The following IDH2 variants were observed in gnomAD, a reference collection of about 807,000 sequenced individuals.
IDH2 encodes isocitrate dehydrogenase (NADP(+)) 2.
In IDH2, 18 loss-of-function variants were observed where a neutral mutation model predicts 50.5. The observed-to-expected ratio is 0.36, with a 90% CI of 0.25 to 0.53. The LOEUF (loss-of-function observed/expected upper bound fraction) is 0.53, where lower values mean the gene tolerates loss of function less well. Among genes scored for constraint, IDH2 ranks in the 20% least tolerant of loss-of-function variants. The pLI is 0.92. For missense variants in IDH2, 518 were observed against 610.7 expected (o/e 0.85, Z 1.60); for synonymous variants, 280 against 239.8 (o/e 1.17, Z -1.55).
intron 2 of IDH2, among the ~76,000 whole-genome samples, 189 bp from the exon 3 acceptor site, chr15:90,090,833 G>A (rs1901015969): frequency 6.6e-6 from 1 of 152,214 alleles, no homozygotes; most frequent in Non-Finnish European, 1.5e-5. Flanking sequence ...GCCAGAGCTG[G>A]CAGAGGCTGG....
intron 3 of IDH2, 24 bp from the exon 4 acceptor site, chr15:90,088,771 G>C (rs1900947244): frequency 1.9e-6 from 3 of 1,613,432 alleles, no homozygotes; most frequent in Non-Finnish European, 2.5e-6. Context: ...GATAATAGTG[G>C]TCCCACTGCA....
At chr15:90,086,080 C>T (rs1298743190) in intron 7 of IDH2, among the ~76,000 whole-genome samples, 1 of 152,324 alleles carries the variant, frequency 6.6e-6, no homozygotes, top group African/African-American at 2.4e-5. Context: ...ATTTTCATGC[C>T]TCTGCCTCAT....
rs369401893 is a variant in IDH2, at chr15:90,084,921, G to C, written c.1179-13C>G. ...CATCTGGGCAAACCTATGGGGATGGGGCAGAATGAGACCCCATCTGTGCAA... is the reference window on the plus strand; with the variant it reads ...CATCTGGGCAAACCTATGGGGATGGCGCAGAATGAGACCCCATCTGTGCAA... On this transcript the variant is annotated splice_polypyrimidine_tract_variant and intron_variant, in intron 9 of 10. Coordinates refer to ENST00000330062, the MANE Select transcript of IDH2 (RefSeq NM_002168.4). This position sits in a 1 kb window ranked among gnomAD's most constrained non-coding sequence, Gnocchi z 5.0. The C allele has an allele frequency of 6.2e-7, 1 of 1,613,538 alleles. No homozygotes were observed. The highest frequency in any genetic ancestry group is 1.1e-5 in the South Asian group (1 of 91,076).
At chr15:90,090,352 T>G in intron 3 of IDH2, 127 bp downstream of exon 3, 2 of 1,030,052 alleles carry the variant, frequency 1.9e-6, no homozygotes, top group Non-Finnish European at 2.9e-6. Context: ...AAGCCCCAGC[T>G]CTGGAGCCTC....
intron 1 of IDH2, among the ~76,000 whole-genome samples, chr15:90,096,992 A>G (rs1469736737): frequency 2.0e-5 from 3 of 152,232 alleles, no homozygotes; most frequent in Admixed American, 1.3e-4. Context: ...ACATCCAAAA[A>G]TATCGAAAGC....
rs370350675 is a variant in IDH2 at position 90,085,332 on chromosome 15, C to G, written c.1023G>C (p.Thr341=). 1.3e-6 allele frequency: 2 copies of G among 1,553,840 alleles called. No individual in the cohort carries two copies. Among genetic ancestry groups the G allele is most frequent in the African/African-American group, 2.7e-5 (2 of 73,256 alleles). ...TCCCATGAGCGGCCTCAGCCTCAATCGTCTTCCCATCAGGGCAGACCAGGA... is the reference window on the plus strand; with the variant it reads ...TCCCATGAGCGGCCTCAGCCTCAATGGTCTTCCCATCAGGGCAGACCAGGA... ...TSVLVCPDGK[T]IEAEAAHGTV... Residue 341 remains threonine (T), a synonymous_variant, in exon 8 of 11, where the codon ACG becomes ACC. Coordinates refer to ENST00000330062, the MANE Select transcript of IDH2 (RefSeq NM_002168.4). This position sits in a 1 kb window ranked among gnomAD's most constrained non-coding sequence, Gnocchi z 5.5.
At chr15:90,096,633 T>A (rs1901187276) in intron 1 of IDH2, among the ~76,000 whole-genome samples, 1 of 152,052 alleles carries the variant, frequency 6.6e-6, no homozygotes, top group Non-Finnish European at 1.5e-5. Flanking sequence ...AAAGAATTAC[T>A]GCCGGGCACG....
intron 3 of IDH2, among the ~76,000 whole-genome samples, chr15:90,089,946 T>A (rs150352179): frequency 1.3e-5 from 2 of 152,276 alleles, no homozygotes; most frequent in East Asian, 3.9e-4. Context: ...CAGAGGCTGC[T>A]GAGGCTCTGA....
Position 90,102,402 on chromosome 15 carries a change from G to C in IDH2, c.-12C>G, listed in dbSNP as rs1310916943. On this transcript the variant is annotated 5_prime_UTR_variant, in exon 1 of 11. Transcript: ENST00000330062. Reference sequence around the variant, plus strand: ...AGGTAGCCGGCCATCCCAAGCTGGAGAGCGAACGAGCAGGGCGGGAGAGGT... The same window carrying C: ...AGGTAGCCGGCCATCCCAAGCTGGACAGCGAACGAGCAGGGCGGGAGAGGT... 3 of 1,319,330 alleles carry C rather than the reference G, an allele frequency of 2.3e-6. No homozygotes were observed. The highest frequency in any genetic ancestry group is 2.9e-6 in the Non-Finnish European group (3 of 1,020,254). 81.7% of individuals were successfully genotyped at this position (1,319,330 alleles called of 1,614,324 possible).
chr15:90,087,431 G>C lies in IDH2; in HGVS notation c.815+8C>G. 6.2e-7 allele frequency: 1 copy of C among 1,614,120 alleles called. No individual in the cohort carries two copies. The highest frequency in any genetic ancestry group is 8.5e-7 in the Non-Finnish European group (1 of 1,179,980). On this transcript the variant is annotated splice_region_variant and intron_variant, in intron 6 of 10. Coordinates refer to ENST00000330062, the MANE Select transcript of IDH2 (RefSeq NM_002168.4). ...GAAAGGCCACAGAGTACATGGATGA[G>C]GCTTTACTTGTCAAAGATCTCCTGG...
chr15:90,102,404 G>T lies in IDH2; in HGVS notation c.-14C>A, dbSNP rs1901361375. ...GTAGCCGGCCATCCCAAGCTGGAGA[G>T]CGAACGAGCAGGGCGGGAGAGGTCC... is the stretch of plus-strand genomic sequence containing the variant. On this transcript the variant is annotated 5_prime_UTR_variant, in exon 1 of 11. Coordinates refer to ENST00000330062, the MANE Select transcript of IDH2 (RefSeq NM_002168.4). 3 of 1,318,356 alleles carry T rather than the reference G, an allele frequency of 2.3e-6. No homozygotes were observed. Among genetic ancestry groups the T allele is most frequent in the Non-Finnish European group, 2.9e-6 (3 of 1,019,298 alleles). 81.7% of individuals were successfully genotyped at this position (1,318,356 alleles called of 1,614,324 possible). A position where few individuals can be genotyped will look rare whatever the true frequency, so the allele number is the denominator to read the frequency against.
In IDH2 at chr15:90,098,188, G is replaced by A. The variant is rs975045270; in HGVS notation, c.115+4088C>T. Reference sequence around the variant, plus strand: ...GCATTGCACAAACACTGTCCTCTTGGCGAGAGTGCAGGATGGAATTACACC... The same window carrying A: ...GCATTGCACAAACACTGTCCTCTTGACGAGAGTGCAGGATGGAATTACACC... On this transcript the variant is annotated intron_variant, in intron 1 of 10. Transcript: ENST00000330062. The surrounding 1 kb of genome is among the most constrained non-coding windows in gnomAD (Gnocchi z 5.1). Among the ~76,000 whole-genome samples the A allele has an allele frequency of 6.6e-6, 1 of 152,162 alleles. No individual in the cohort carries two copies. Among genetic ancestry groups the A allele is most frequent in the South Asian group, 2.1e-4 (1 of 4,830 alleles).
At chr15:90,094,103 A>G (rs1326644672) in intron 1 of IDH2, among the ~76,000 whole-genome samples, 2 of 152,226 alleles carry the variant, frequency 1.3e-5, no homozygotes, top group Admixed American at 1.3e-4. Flanking sequence ...CAGGTGGGTC[A>G]GTCCTACCAG....
intron 5 of IDH2, among the ~76,000 whole-genome samples, chr15:90,087,805 C>T (rs62019175): frequency 7.0e-6 from 1 of 142,716 alleles, no homozygotes; most frequent in Non-Finnish European, 1.5e-5. Context: ...GAAAACACCG[C>T]CTTTTTTTTT....
rs1196119027 is a variant in IDH2 at position 90,087,262 on chromosome 15, G to A, written c.817C>T (p.His273Tyr). 1 of 1,614,110 alleles carries A rather than the reference G, an allele frequency of 6.2e-7. No homozygotes were observed. Among genetic ancestry groups the A allele is most frequent in the Admixed American group, 1.7e-5 (1 of 60,006 alleles). Residue 273 changes from histidine to tyrosine, a missense_variant and splice_region_variant, in exon 7 of 11, where the codon CAC becomes TAC. By Grantham distance (83) the His-to-Tyr change is moderately conservative (BLOSUM62 2). Around this residue, in one of 5 missense-constraint regions of IDH2, gnomAD observed 207 missense variants for 208.6 expected, o/e 0.99. Coordinates refer to ENST00000330062, the MANE Select transcript of IDH2 (RefSeq NM_002168.4). The part of the protein sequence containing the change: ...KDIFQEIFDK[H>Y]YKTDFDKNKI... ...TTCTTGTCGAAGTCGGTCTTATAGT[G>A]CCTGGGAGTAAAAAGGTCTGTTATG...
Position 90,088,452 on chromosome 15 carries a change from G to A in IDH2, c.585C>T (p.Val195=), listed in dbSNP as rs1408476355. 2 of 1,614,084 alleles carry A rather than the reference G, an allele frequency of 1.2e-6. No homozygotes were observed. Among genetic ancestry groups the A allele is most frequent in the Non-Finnish European group, 1.7e-6 (2 of 1,180,044 alleles). Residue 195 remains valine, a synonymous_variant, in exon 5 of 11, where the codon GTC becomes GTT. Coordinates refer to ENST00000330062, the MANE Select transcript of IDH2 (RefSeq NM_002168.4). ...VADRAGTFKM[V]FTPKDGSGVK... is the part of the protein sequence containing the mutation. ...CACCACTGCCATCTTTTGGGGTGAA[G>A]ACCATTTTGAAAGTGCCGGCCCGGT...
At chr15:90,099,084 C>T (rs1351672046) in intron 1 of IDH2, among the ~76,000 whole-genome samples, 1 of 152,184 alleles carries the variant, frequency 6.6e-6, no homozygotes, top group African/African-American at 2.4e-5. Context: ...AGCGCCACCA[C>T]CCAGGTCCAA....
chr15:90,087,038 A>G lies in IDH2; in HGVS notation c.967+74T>C, dbSNP rs1900876740. 4 of 1,531,542 alleles carry G rather than the reference A, an allele frequency of 2.6e-6. No homozygotes were observed. In the South Asian group the frequency reaches 3.4e-5, roughly 13 times the overall value. 94.9% of individuals were successfully genotyped at this position (1,531,542 alleles called of 1,614,324 possible). ...TGCTCCACTAGAGTTTTCTACCAAA[A>G]GGGTCTGAAAATCCCTCCAGCCAGA... On this transcript the variant is annotated intron_variant, in intron 7 of 10. Coordinates refer to ENST00000330062, the MANE Select transcript of IDH2 (RefSeq NM_002168.4).
At position 90,085,080 on chromosome 15, in the gene IDH2, TG is replaced by T; in HGVS notation, c.1098del (p.Asn367ThrfsTer45). 1 of 1,613,824 alleles carries T rather than the reference TG, an allele frequency of 6.2e-7. No homozygotes were observed. The highest frequency in any genetic ancestry group is 1.3e-5 in the African/African-American group (1 of 75,000). On this transcript the variant is annotated frameshift_variant, in exon 9 of 11. Coordinates refer to ENST00000330062, the MANE Select transcript of IDH2 (RefSeq NM_002168.4). LOFTEE classifies it high-confidence loss of function. The surrounding 1 kb of genome is among the most constrained non-coding windows in gnomAD (Gnocchi z 5.5). The stretch of plus-strand genomic sequence containing the variant: ...CAGGCAAAGATGCTGGCGATGGGGT[TG>T]GTGCTGGTGGGCCGGCCCTGGGGAC... ...REHQKGRPTS[T>X]NPIASIFAWT...
Sources: allele counts gnomAD v4.1 joint callset (sites outside exome capture counted in the v4.1 genomes callset), GRCh38; gene constraint gnomAD v4.1.1; regional missense constraint gnomAD v4.1.1; non-coding constraint Gnocchi (gnomAD v3.1); transcripts MANE v1.5; gene names NCBI Gene and HGNC (gene_info 2026-07-23, HGNC 2026-07-21).